Variants in ABL1 observed in about 807,000 individuals in gnomAD.
The protein encoded by ABL1 is ABL proto-oncogene 1, non-receptor tyrosine kinase, also known as tyrosine-protein kinase ABL1.
ABL1 carries 11 observed loss-of-function variants against 94.7 expected under a neutral mutation model. The observed-to-expected ratio is 0.12, with a 90% CI of 0.07 to 0.19. ABL1 has a LOEUF of 0.19. ABL1 is among the 10% of genes least tolerant of loss of function. The probability of loss-of-function intolerance (pLI) is 1.00; values close to 1 mark genes in which losing one functional copy is unlikely to be tolerated. For missense variants in ABL1, 1,082 were observed against 1,489.4 expected (o/e 0.73, Z 4.50); for synonymous variants, 656 against 622.4 (o/e 1.05, Z -0.80).
upstream of ABL1, chr9:130,834,067 C>G (rs999827092): frequency 8.8e-6 from 4 of 456,100 alleles, no homozygotes; most frequent in Admixed American, 2.3e-5. Flanking sequence ...CCGCCTGTTT[C>G]CAGCTGTGGG....
Position 130,856,466 on chromosome 9 carries a change from C to T in ABL1, c.549+1370C>T, listed in dbSNP as rs112465269. On this transcript the variant is annotated intron_variant, in intron 3 of 10. Transcript: ENST00000318560. ...CAAACTATTGAGCTCAAGCAATCTG[C>T]CCTCCTCGGCCTCCCAAAATGCTGG... 7.4e-3 allele frequency among the ~76,000 whole-genome samples: 1,120 copies of T among 152,308 alleles called. 19 individuals carry two copies. The highest frequency in any genetic ancestry group is 0.026 in the African/African-American group (1,064 of 41,566).
chr9:130,846,643 T>C (rs528466395), intron 1 of ABL1, among the ~76,000 whole-genome samples: 1 of 152,172 alleles, frequency 6.6e-6, no homozygotes, highest in East Asian at 1.9e-4. Context: ...TGGGCACAAG[T>C]GCCAGCAGGA....
chr9:130,848,351 A>C (rs1830805907), intron 1 of ABL1, among the ~76,000 whole-genome samples: 1 of 149,614 alleles, frequency 6.7e-6, no homozygotes, highest in South Asian at 2.1e-4. Flanking sequence ...AAATGAAAAA[A>C]AAAAAAAAAA....
At chr9:130,726,186 T>C (rs1357212925) in intron 1 of ABL1, among the ~76,000 whole-genome samples, 1 of 122,632 alleles carries the variant, frequency 8.2e-6, no homozygotes, top group African/African-American at 3.8e-5. Flanking sequence ...AAGTGTAATA[T>C]GCATACAGAA....
At chr9:130,881,179 A>C (rs1379144381) in intron 10 of ABL1, among the ~76,000 whole-genome samples, 1 of 152,166 alleles carries the variant, frequency 6.6e-6, no homozygotes, top group African/African-American at 2.4e-5. Flanking sequence ...TCAGCTCAGG[A>C]GGGGGTCTCA....
At chr9:130,804,411 A>AC (rs1487964007) in intron 1 of ABL1, among the ~76,000 whole-genome samples, 2 of 152,006 alleles carry the variant, frequency 1.3e-5, no homozygotes, top group Non-Finnish European at 2.9e-5. Flanking sequence ...ACATGGAGAA[A>AC]CCCCGTCTCT....
Position 130,867,027 on chromosome 9 carries a change from C to CT in ABL1, c.822+4000dup, listed in dbSNP as rs201374636. On this transcript the variant is annotated intron_variant, in intron 4 of 10. Transcript: ENST00000318560. ...GTATTCAGAGTTTGTACATCAGTGT[C>CT]TTTTTTTTCTATGAATCAGTTCTCT... 8.3e-3 allele frequency among the ~76,000 whole-genome samples: 1,261 copies of CT among 152,182 alleles called. 15 individuals are homozygous for CT. The highest frequency in any genetic ancestry group is 0.029 in the African/African-American group (1,211 of 41,502).
chr9:130,865,377 G>A (rs571007524), intron 4 of ABL1, among the ~76,000 whole-genome samples: 10 of 152,296 alleles, frequency 6.6e-5, no homozygotes, highest in South Asian at 6.2e-4. Context: ...CTGGCCGTGC[G>A]CAGAAACATC....
At chr9:130,746,888 T>C (rs897056337) in intron 1 of ABL1, among the ~76,000 whole-genome samples, 3 of 152,192 alleles carry the variant, frequency 2.0e-5, no homozygotes, top group Non-Finnish European at 4.4e-5. Context: ...GCCAGAAATC[T>C]GAAATTAGTA....
At chr9:130,812,743 C>A (rs1370779377) in intron 1 of ABL1, among the ~76,000 whole-genome samples, 1 of 152,132 alleles carries the variant, frequency 6.6e-6, no homozygotes, top group Non-Finnish European at 1.5e-5. Context: ...CTCACAAAAA[C>A]TGATAGAACA....
intron 1 of ABL1, among the ~76,000 whole-genome samples, chr9:130,803,938 G>T (rs1830089310): frequency 6.6e-6 from 1 of 152,112 alleles, no homozygotes; most frequent in African/African-American, 2.4e-5. Context: ...GCACACACCT[G>T]TGGTCCCAGC....
At chr9:130,759,735 G>A (rs1832086499) in intron 1 of ABL1, among the ~76,000 whole-genome samples, 1 of 152,120 alleles carries the variant, frequency 6.6e-6, no homozygotes, top group African/African-American at 2.4e-5. Flanking sequence ...CAGTGGTGGA[G>A]CCGGTATAGG....
chr9:130,866,337 T>C (rs1375810472), intron 4 of ABL1, among the ~76,000 whole-genome samples: 2 of 152,170 alleles, frequency 1.3e-5, no homozygotes, highest in South Asian at 2.1e-4. Context: ...GCCACAGTTA[T>C]GCCTTTTAAA....
chr9:130,800,928 C>CTTT (rs5900906), intron 1 of ABL1, among the ~76,000 whole-genome samples: 12 of 128,792 alleles, frequency 9.3e-5, no homozygotes, highest in African/African-American at 8.6e-5. Flanking sequence ...TTTTTCTTTC[C>CTTT]TTTTTTTTTT....
intron 4 of ABL1, among the ~76,000 whole-genome samples, chr9:130,865,594 A>G (rs1831141293): frequency 6.6e-6 from 1 of 152,074 alleles, no homozygotes; most frequent in African/African-American, 2.4e-5. Context: ...AAAAAATACC[A>G]AAAATCAGCC....
At chr9:130,811,305 TAAAAG>T (rs546811767) in intron 1 of ABL1, among the ~76,000 whole-genome samples, 88 of 151,778 alleles carry the variant, frequency 5.8e-4, no homozygotes, top group Non-Finnish European at 1.1e-3. Context: ...AACAAACAAA[TAAAAG>T]AAAACTGGAG....
chr9:130,752,394 A>G (rs1244321164), intron 1 of ABL1, among the ~76,000 whole-genome samples: 1 of 152,130 alleles, frequency 6.6e-6, no homozygotes, highest in Non-Finnish European at 1.5e-5. Context: ...CTGCCTACCA[A>G]ATATCTATAA....
intron 1 of ABL1, among the ~76,000 whole-genome samples, chr9:130,850,786 C>T (rs984903676): frequency 6.6e-6 from 1 of 152,134 alleles, no homozygotes; most frequent in African/African-American, 2.4e-5. Flanking sequence ...GGATAACAGG[C>T]ATGAGCCACC....
intron 1 of ABL1, among the ~76,000 whole-genome samples, chr9:130,816,284 T>C (rs1830285044): frequency 6.6e-6 from 1 of 152,162 alleles, no homozygotes; most frequent in Non-Finnish European, 1.5e-5. Flanking sequence ...GGGTCTTTGC[T>C]CAGTTGTCAT....
Sources: gnomAD v4.1 joint callset for allele counts (sites outside exome capture counted in the v4.1 genomes callset) on GRCh38, gnomAD v4.1.1 for gene constraint, MANE v1.5 for transcripts, NCBI Gene and HGNC (gene_info 2026-07-23, HGNC 2026-07-21) for gene names.